OR4K14: variants seen among roughly 807,000 people sequenced by gnomAD.
OR4K14 encodes olfactory receptor 4K14.
For missense variants in OR4K14, 406 were observed against 373.6 expected (o/e 1.09, Z -0.72); for synonymous variants, 153 against 141.5 (o/e 1.08, Z -0.58).
chr14:20,016,374 C>G (rs866348045), intron 1 of OR4K14, among the ~76,000 whole-genome samples: 3 of 151,432 alleles, frequency 2.0e-5, no homozygotes, highest in Non-Finnish European at 4.4e-5. Flanking sequence ...CGACTATGGG[C>G]GGGGGGTGAT....
chr14:20,014,335 T>G lies in OR4K14; in HGVS notation c.859A>C (p.Ile287Leu). ...ATCTCCTCATTTCTCAATGTGTAGA[T>G]AATGGGGTTCAGGAGTGGAGTAAAA... ...TIFTPLLNPI[I>L]YTLRNEEMKA... is the part of the protein sequence containing the mutation. Residue 287 changes from isoleucine (I) to leucine (L), a missense_variant, in exon 2 of 2, where the codon ATC becomes CTC. Ile to Leu is a conservative substitution (Grantham distance 5, BLOSUM62 2). Coordinates refer to ENST00000641793, the MANE Select transcript of OR4K14 (RefSeq NM_001004712.2). 1 of 1,613,558 alleles carries G rather than the reference T, an allele frequency of 6.2e-7. No individual in the cohort carries two copies.
Position 20,014,968 on chromosome 14 carries a change from A to G in OR4K14, c.226T>C (p.Ser76Pro). ...CTGATCATCTTGGGAGTGGCAAATG[A>G]GGCCAGCCACATGTCCAGGAAAGCT... ...NLAFLDMWLA[S>P]FATPKMIRDF... is the part of the protein sequence containing the mutation. Residue 76 changes from serine (S) to proline (P), a missense_variant, in exon 2 of 2, where the codon TCA (serine) becomes CCA (proline). Physicochemically the swap from Ser to Pro is moderately conservative, Grantham distance 74 (BLOSUM62 -1). Coordinates refer to ENST00000641793, the MANE Select transcript of OR4K14 (RefSeq NM_001004712.2). The G allele has an allele frequency of 6.2e-7, 1 of 1,614,062 alleles. No individual in the cohort carries two copies. Among genetic ancestry groups the G allele is most frequent in the Non-Finnish European group, 8.5e-7 (1 of 1,179,942 alleles).
At chr14:20,015,532 G>A (rs35253650) in intron 1 of OR4K14, among the ~76,000 whole-genome samples, 14,535 of 152,180 alleles carry the variant, frequency 0.096, 886 homozygotes, top group East Asian at 0.21. Context: ...ATCACTAAGA[G>A]AGTAGGTTTT....
Position 20,014,788 on chromosome 14 carries a change from A to G in OR4K14, c.406T>C (p.Leu136=). The change falls in exon 2 of 2, where the codon TTG becomes CTG. Residue 136 remains leucine, a synonymous_variant. Transcript: ENST00000641793. Reference sequence around the variant, plus strand: ...CTGATGCAAGTCTGCCAACTCATCAAAGTCATGTAATGCAAGGGTTTGCAT... The same window carrying G: ...CTGATGCAAGTCTGCCAACTCATCAGAGTCATGTAATGCAAGGGTTTGCAT... ...AICKPLHYMT[L]MSWQTCIRLV... 1 of 1,614,172 alleles carries G rather than the reference A, an allele frequency of 6.2e-7. No homozygotes were observed. Among genetic ancestry groups the G allele is most frequent in the Non-Finnish European group, 8.5e-7 (1 of 1,180,016 alleles).
At position 20,014,995 on chromosome 14, in the gene OR4K14, G is replaced by A. The variant is rs375883528; in HGVS notation, c.199C>T (p.Leu67=). The A allele has an allele frequency of 2.5e-5, 40 of 1,614,042 alleles. No homozygotes were observed. In the African/African-American group the frequency reaches 4.9e-4, roughly 20 times the overall value. Residue 67 remains leucine, a synonymous_variant, in exon 2 of 2, where the codon CTA becomes TTA. Coordinates refer to ENST00000641793, the MANE Select transcript of OR4K14 (RefSeq NM_001004712.2). ...SSPMYFLLGN[L]AFLDMWLASF... ...GCCAGCCACATGTCCAGGAAAGCTA[G>A]GTTCCCCAGCAGGAAGTACATAGGG...
At position 20,019,199 on chromosome 14, in the gene OR4K14, C is replaced by G. The variant is rs911962591; in HGVS notation, c.-86G>C. The G allele has an allele frequency of 6.6e-6, 1 of 152,054 alleles. No individual in the cohort carries two copies. The highest frequency in any genetic ancestry group is 2.4e-5 in the African/African-American group (1 of 41,426). 9.4% of individuals were successfully genotyped at this position (152,054 alleles called of 1,614,324 possible). On this transcript the variant is annotated 5_prime_UTR_variant, in exon 1 of 2. Transcript: ENST00000641793. ...AGCTCACCCAATTTATATTTTACAT[C>G]TATTATACTTGAATGGAGCTATTGA...
intron 1 of OR4K14, among the ~76,000 whole-genome samples, chr14:20,015,884 T>G (rs540848148): frequency 6.6e-6 from 1 of 151,724 alleles, no homozygotes; most frequent in South Asian, 2.1e-4. Flanking sequence ...TCTGCATAGG[T>G]GAGAGTTGTA....
Position 20,014,943 on chromosome 14 carries a change from C to T in OR4K14, c.251G>A (p.Arg84Lys), listed in dbSNP as rs758079127. ...GAGTTTTTGATCACTAAGGAAATCC[C>T]TGATCATCTTGGGAGTGGCAAATGA... is the stretch of plus-strand genomic sequence containing the variant. ...LASFATPKMI[R>K]DFLSDQKLIS... is the part of the protein sequence containing the mutation. The change falls in exon 2 of 2, where the codon AGG becomes AAG. Residue 84 changes from arginine (R) to lysine (K), a missense_variant. Physicochemically the swap from Arg to Lys is conservative, Grantham distance 26 (BLOSUM62 2). Transcript: ENST00000641793. The T allele has an allele frequency of 1.9e-6, 3 of 1,614,004 alleles. No individual in the cohort carries two copies. The East Asian group carries it at 6.7e-5, about 36-fold the overall frequency.
chr14:20,016,387 A>G (rs1337129115), intron 1 of OR4K14, among the ~76,000 whole-genome samples: 1 of 152,008 alleles, frequency 6.6e-6, no homozygotes, highest in Non-Finnish European at 1.5e-5. Flanking sequence ...GGGGTGATGT[A>G]TAAATACAGA....
chr14:20,016,858 C>T (rs4981697), intron 1 of OR4K14, among the ~76,000 whole-genome samples: 151,162 of 152,116 alleles, frequency 0.99, 75,115 homozygotes, highest in Middle Eastern at 1. Context: ...TATATTTCTT[C>T]ATAATCACGC....
chr14:20,016,985 G>T (rs1025446393), intron 1 of OR4K14, among the ~76,000 whole-genome samples: 1 of 151,830 alleles, frequency 6.6e-6, no homozygotes, highest in Non-Finnish European at 1.5e-5. Context: ...CTTCTTCAAG[G>T]CATTTGCATC....
chr14:20,015,230 A>C lies in OR4K14; in HGVS notation c.-29-8T>G, dbSNP rs1877072830. 3 of 1,378,866 alleles carry C rather than the reference A, an allele frequency of 2.2e-6. No homozygotes were observed. The highest frequency in any genetic ancestry group is 3.0e-6 in the Non-Finnish European group (3 of 1,003,836). The allele number at this position is 1,378,866 out of a possible 1,614,324, so 85.4% of individuals were successfully genotyped here. On this transcript the variant is annotated splice_polypyrimidine_tract_variant and splice_region_variant and intron_variant, in intron 1 of 1. Transcript: ENST00000641793. ...TCAGACTTTGTTTGTAATCTAAATA[A>C]AGAAAAAAATCCTGTCATTTGCAGC...
intron 1 of OR4K14, among the ~76,000 whole-genome samples, chr14:20,016,360 A>G (rs1877099463): frequency 6.6e-6 from 1 of 151,900 alleles, no homozygotes; most frequent in South Asian, 2.1e-4. Flanking sequence ...TGTTTTGGAT[A>G]TAACGACTAT....
chr14:20,014,191 G>T lies in OR4K14; in HGVS notation c.*70C>A. ...TGTAGTGTCAGAATGAAATCTTTGA[G>T]CAGAATTATATTAAAGAAATTATAT... On this transcript the variant is annotated 3_prime_UTR_variant, in exon 2 of 2. Coordinates refer to ENST00000641793, the MANE Select transcript of OR4K14 (RefSeq NM_001004712.2). 1 of 961,352 alleles carries T rather than the reference G, an allele frequency of 1.0e-6. No homozygotes were observed. Among genetic ancestry groups the T allele is most frequent in the Non-Finnish European group, 1.5e-6 (1 of 647,522 alleles). The allele number at this position is 961,352 out of a possible 1,614,324, so 59.6% of individuals were successfully genotyped here.
intron 1 of OR4K14, among the ~76,000 whole-genome samples, chr14:20,018,161 A>G (rs1261372237): frequency 1.3e-5 from 2 of 152,036 alleles, no homozygotes; most frequent in Admixed American, 6.6e-5. Context: ...GAAATAGTCT[A>G]ATAATGAGAA....
intron 1 of OR4K14, 103 bp downstream of exon 1, chr14:20,019,037 TATG>T (rs1335410204): frequency 6.6e-6 from 1 of 151,950 alleles, no homozygotes; most frequent in Non-Finnish European, 1.5e-5. Flanking sequence ...TGCAAGTTAT[TATG>T]ATGTAATCCA....
chr14:20,015,851 G>A (rs1215517528), intron 1 of OR4K14, among the ~76,000 whole-genome samples: 1 of 151,872 alleles, frequency 6.6e-6, no homozygotes, highest in Non-Finnish European at 1.5e-5. Context: ...TTCCTGAGGG[G>A]CAGTTAGACA....
chr14:20,015,820 G>A (rs961720960), intron 1 of OR4K14, among the ~76,000 whole-genome samples: 3 of 151,842 alleles, frequency 2.0e-5, no homozygotes, highest in Non-Finnish European at 4.4e-5. Context: ...ATGTATATTT[G>A]CCTTTTTCAA....
intron 1 of OR4K14, among the ~76,000 whole-genome samples, chr14:20,015,545 A>G (rs1193632414): frequency 6.6e-6 from 1 of 152,218 alleles, no homozygotes; most frequent in Admixed American, 6.5e-5. Flanking sequence ...TAGGTTTTGC[A>G]TTGTCATCAC....
Sources: allele counts gnomAD v4.1 joint callset (sites outside exome capture counted in the v4.1 genomes callset), GRCh38; gene constraint gnomAD v4.1.1; transcripts MANE v1.5; gene names NCBI Gene and HGNC (gene_info 2026-07-23, HGNC 2026-07-21).